Variants in EYA4 observed in about 807,000 individuals in gnomAD.
EYA4 encodes the protein protein phosphatase EYA4.
Under a neutral mutation model 87.9 loss-of-function variants are expected in EYA4, and 31 were observed. That is an observed-to-expected ratio of 0.35 (90% CI 0.27 to 0.48). The LOEUF (loss-of-function observed/expected upper bound fraction) is 0.48. Ranked by LOEUF, EYA4 falls within the 20% of genes least tolerant of loss-of-function variation. The pLI is 0.99. For synonymous variants in EYA4, 263 were observed against 270.6 expected, an observed-to-expected ratio of 0.97 and a Z score of 0.28; for missense variants, 678 against 761.4, an observed-to-expected ratio of 0.89 and a Z score of 1.29.
At chr6:133,482,745 A>G (rs1796324100) in intron 12 of EYA4, among the ~76,000 whole-genome samples, 1 of 152,210 alleles carries the variant, frequency 6.6e-6, no homozygotes, top group Non-Finnish European at 1.5e-5. Context: ...TGCTTCTATC[A>G]TAAAGTCTGA....
In EYA4 at chr6:133,464,779, G is replaced by C; in HGVS notation, c.725G>C (p.Gly242Ala). ...AATGCAATTTGTTTTTTACCTCTAG[G>C]TTCTAGTTTTGCACCATCATCTACT... ...GQTPYSYQMP[G>A]SSFAPSSTIY... The change falls in exon 10 of 20, where the codon GGT (glycine) becomes GCT (alanine). Residue 242 changes from glycine (G) to alanine (A), a missense_variant and splice_region_variant. Physicochemically the swap from Gly to Ala is moderately conservative, Grantham distance 60. Coordinates refer to ENST00000355286, the MANE Select transcript of EYA4 (RefSeq NM_004100.5). 1 of 1,591,432 alleles carries C rather than the reference G, an allele frequency of 6.3e-7. No homozygotes were observed. Among genetic ancestry groups the C allele is most frequent in the Non-Finnish European group, 8.6e-7 (1 of 1,160,390 alleles).
chr6:133,523,992 G>A (rs1800409289), intron 18 of EYA4, among the ~76,000 whole-genome samples: 1 of 152,130 alleles, frequency 6.6e-6, no homozygotes, highest in Non-Finnish European at 1.5e-5. Context: ...TGGGCTTTGA[G>A]GAGGTCTGAT....
intron 1 of EYA4, among the ~76,000 whole-genome samples, chr6:133,250,572 G>A (rs969322889): frequency 6.6e-6 from 1 of 152,084 alleles, no homozygotes; most frequent in Non-Finnish European, 1.5e-5. Context: ...AACCCAGAAG[G>A]CAGAGGTTGC....
At chr6:133,466,350 G>A (rs1794838652) in intron 10 of EYA4, among the ~76,000 whole-genome samples, 1 of 152,172 alleles carries the variant, frequency 6.6e-6, no homozygotes, top group South Asian at 2.1e-4. Flanking sequence ...GGATCCCAAT[G>A]TAAAATGTAA....
rs542503848 is a variant in EYA4 at position 133,511,665 on chromosome 6, A to G, written c.1282-1056A>G. 97 of 152,250 alleles carry G rather than the reference A, an allele frequency of 6.4e-4. 1 individual carries two copies. Among genetic ancestry groups the G allele is most frequent in the African/African-American group, 2.2e-3 (90 of 41,548 alleles). 9.4% of individuals were successfully genotyped at this position (152,250 alleles called of 1,614,324 possible). A position where few individuals can be genotyped will look rare whatever the true frequency, so the allele number is the denominator to read the frequency against. ...AAGTTACCATTTGTTCTGAGCACAC[A>G]GTAACTTACAATCAGGTCAACTGTG... On this transcript the variant is annotated intron_variant, in intron 14 of 19. Coordinates refer to ENST00000355286, the MANE Select transcript of EYA4 (RefSeq NM_004100.5).
At chr6:133,298,905 G>A (rs1447975735) in intron 2 of EYA4, among the ~76,000 whole-genome samples, 1 of 152,154 alleles carries the variant, frequency 6.6e-6, no homozygotes, top group African/African-American at 2.4e-5. Context: ...TTTGCTTTAA[G>A]GTCCATTTTG....
chr6:133,381,225 G>C (rs1327638420), intron 2 of EYA4, among the ~76,000 whole-genome samples: 1 of 151,876 alleles, frequency 6.6e-6, no homozygotes, highest in African/African-American at 2.4e-5. Flanking sequence ...AGATGCAAAA[G>C]AGACTACAGA....
intron 1 of EYA4, among the ~76,000 whole-genome samples, chr6:133,254,442 G>C (rs1775176615): frequency 6.6e-6 from 1 of 151,990 alleles, no homozygotes; most frequent in Non-Finnish European, 1.5e-5. Context: ...TTTTTTTCAG[G>C]CACAATTGAG....
intron 2 of EYA4, among the ~76,000 whole-genome samples, chr6:133,299,405 T>A (rs372923083): frequency 6.6e-6 from 1 of 152,224 alleles, no homozygotes; most frequent in South Asian, 2.1e-4. Flanking sequence ...CAGAGCAGTA[T>A]TTTCACCATT....
At chr6:133,341,109 A>T (rs1213713118) in intron 2 of EYA4, among the ~76,000 whole-genome samples, 3 of 152,216 alleles carry the variant, frequency 2.0e-5, no homozygotes, top group African/African-American at 7.2e-5. Context: ...GAAGACCCAG[A>T]ACATGCATTT....
chr6:133,370,231 C>A (rs1184306978), intron 2 of EYA4, among the ~76,000 whole-genome samples: 2 of 152,206 alleles, frequency 1.3e-5, no homozygotes, highest in African/African-American at 4.8e-5. Flanking sequence ...CACTACAGAA[C>A]TGACTTCCAA....
intron 11 of EYA4, among the ~76,000 whole-genome samples, chr6:133,479,754 C>T (rs1796045722): frequency 6.6e-6 from 1 of 151,978 alleles, no homozygotes; most frequent in Admixed American, 6.6e-5. Flanking sequence ...AGAAAGCTGC[C>T]ATGAAACTGA....
rs79328401 is a variant in EYA4 at position 133,512,410 on chromosome 6, G to A, written c.1282-311G>A. Among the ~76,000 whole-genome samples, 4,464 of 152,252 alleles carry A rather than the reference G, an allele frequency of 0.029. 254 individuals are homozygous for A. Among genetic ancestry groups the A allele is most frequent in the East Asian group, 0.18 (931 of 5,182 alleles). On this transcript the variant is annotated intron_variant, in intron 14 of 19. Coordinates refer to ENST00000355286, the MANE Select transcript of EYA4 (RefSeq NM_004100.5). The stretch of plus-strand genomic sequence containing the variant: ...AAATGGCCTGGAAGGGAACTCAAAT[G>A]CTTATGAAGATTCAAGAGAATTTCT...
chr6:133,488,981 C>A (rs923130308), intron 13 of EYA4, among the ~76,000 whole-genome samples: 2 of 152,112 alleles, frequency 1.3e-5, no homozygotes, highest in African/African-American at 4.8e-5. Flanking sequence ...TTCAAAATAG[C>A]TTTTTTGAGG....
intron 1 of EYA4, among the ~76,000 whole-genome samples, chr6:133,254,097 AG>A (rs943548832): frequency 9.9e-5 from 15 of 152,254 alleles, no homozygotes; most frequent in African/African-American, 3.6e-4. Context: ...TTTGTACCAA[AG>A]TATTACTGAT....
chr6:133,321,704 C>T (rs1781104380), intron 2 of EYA4, among the ~76,000 whole-genome samples: 1 of 152,100 alleles, frequency 6.6e-6, no homozygotes, highest in African/African-American at 2.4e-5. Flanking sequence ...GGTGTGCTGG[C>T]TTGTATTTGA....
At chr6:133,348,659 C>T (rs1402612497) in intron 2 of EYA4, among the ~76,000 whole-genome samples, 1 of 152,110 alleles carries the variant, frequency 6.6e-6, no homozygotes, top group East Asian at 1.9e-4. Context: ...ACTTTTATCT[C>T]CAACCTAGAC....
At chr6:133,389,741 C>T (rs1195551488) in intron 3 of EYA4, among the ~76,000 whole-genome samples, 1 of 152,200 alleles carries the variant, frequency 6.6e-6, no homozygotes, top group Non-Finnish European at 1.5e-5. Flanking sequence ...TTTAAGCAAT[C>T]TTTGACTTCT....
rs138858648 is a variant in EYA4 at position 133,518,053 on chromosome 6, G to C, written c.1616+2618G>C. ...TGCTATCTCATGTCCTCTGTAATTG[G>C]TGACAAGAGAGACCAAATGTCAGGG... On this transcript the variant is annotated intron_variant, in intron 17 of 19. Transcript: ENST00000355286. 3.3e-5 allele frequency among the ~76,000 whole-genome samples: 5 copies of C among 152,256 alleles called. No individual in the cohort carries two copies. In the East Asian group the frequency reaches 9.6e-4, roughly 29 times the overall value.
Sources: allele counts gnomAD v4.1 joint callset (sites outside exome capture counted in the v4.1 genomes callset), GRCh38; gene constraint gnomAD v4.1.1; transcripts MANE v1.5; gene names NCBI Gene and HGNC (gene_info 2026-07-23, HGNC 2026-07-21).